The following ECEL1 variants were observed in gnomAD, a reference collection of about 807,000 sequenced individuals.
ECEL1 encodes endothelin-converting enzyme-like 1.
A neutral mutation model predicts 101.8 loss-of-function variants in ECEL1; 87 were observed. The observed-to-expected ratio is 0.85, with a 90% CI of 0.72 to 1.02. The LOEUF is 1.02. Ranked by LOEUF, ECEL1 falls within the 50% of genes least tolerant of loss-of-function variation. The pLI, the probability that ECEL1 is intolerant of heterozygous loss-of-function variation, is 0.00. For synonymous variants in ECEL1, 487 were observed against 468.7 expected (o/e 1.04, Z -0.50); for missense variants, 1,032 against 1,079.2 (o/e 0.96, Z 0.61).
Position 232,482,405 on chromosome 2 carries a change from G to C in ECEL1, c.1796+13C>G. ...CTGCCCTCAGCCACAAACAGGGCAA[G>C]CTATGTACTCACTGTGGGAAGTCAG... On this transcript the variant is annotated intron_variant, in intron 12 of 17. Coordinates refer to ENST00000304546, the MANE Select transcript of ECEL1 (RefSeq NM_004826.4). 1 of 1,613,812 alleles carries C rather than the reference G, an allele frequency of 6.2e-7. No individual in the cohort carries two copies. The highest frequency in any genetic ancestry group is 8.5e-7 in the Non-Finnish European group (1 of 1,180,012).
intron 1 of ECEL1, among the ~76,000 whole-genome samples, chr2:232,486,968 C>T (rs1223019779): frequency 1.3e-5 from 2 of 152,168 alleles, no homozygotes; most frequent in African/African-American, 4.8e-5. Flanking sequence ...ACTTGAGGGC[C>T]GCAGGGTTGG....
intron 8 of ECEL1, 54 bp from the exon 9 acceptor site, chr2:232,483,233 G>A (rs1039557294): frequency 1.3e-5 from 20 of 1,565,364 alleles, no homozygotes; most frequent in Middle Eastern, 3.3e-4. Flanking sequence ...ACAGCCCCCC[G>A]CCCCCCACCC....
chr2:232,481,875 C>T (rs1690589052), intron 12 of ECEL1, 26 bp from the exon 13 acceptor site: 4 of 1,613,196 alleles, frequency 2.5e-6, no homozygotes, highest in Non-Finnish European at 3.4e-6. Context: ...CAGCATCAGG[C>T]CCTAGCCCTC....
At chr2:232,484,749 C>T in intron 5 of ECEL1, 52 bp downstream of exon 5, 3 of 1,610,236 alleles carry the variant, frequency 1.9e-6, no homozygotes, top group Non-Finnish European at 2.5e-6. Flanking sequence ...GTAGTCCCAG[C>T]AGCAGCATTG....
At chr2:232,481,307 C>T (rs1247631407) in intron 14 of ECEL1, 151 bp from the exon 15 acceptor site, 3 of 1,341,908 alleles carry the variant, frequency 2.2e-6, no homozygotes, top group African/African-American at 1.5e-5. Context: ...CTACTCTTTC[C>T]TCCCAACCCC....
chr2:232,486,561 G>GGCCCCGCGCGC lies in ECEL1; in HGVS notation c.82_92dup (p.Ser32ArgfsTer175). Reference sequence around the variant, plus strand: ...CCAACGGGAAGCCCGGGGGCAGGGAGGCCCCGCGCGCGCCCCCCGCGCCGC... The same window carrying GGCCCCGCGCGC: ...CCAACGGGAAGCCCGGGGGCAGGGAGGCCCCGCGCGCGCCCCGCGCGCGCCCCCCGCGCCGC... On this transcript the variant is annotated frameshift_variant, in exon 2 of 18. Coordinates refer to ENST00000304546, the MANE Select transcript of ECEL1 (RefSeq NM_004826.4). LOFTEE classifies it high-confidence loss of function. 7.3e-7 allele frequency: 1 copy of GGCCCCGCGCGC among 1,371,304 alleles called. No homozygotes were observed. The highest frequency in any genetic ancestry group is 9.4e-7 in the Non-Finnish European group (1 of 1,066,340). The allele number at this position is 1,371,304 out of a possible 1,614,324, so 84.9% of individuals were successfully genotyped here.
In ECEL1 at chr2:232,486,690, T is replaced by G; in HGVS notation, c.-37A>C. On this transcript the variant is annotated 5_prime_UTR_variant, in exon 2 of 18. Transcript: ENST00000304546. ...CGCCGCGGTGCAGACCTGGGCCACC[T>G]GGGCTACGGGATGCGCGTGGCCGCC... 1 of 1,456,060 alleles carries G rather than the reference T, an allele frequency of 6.9e-7. No individual in the cohort carries two copies. Among genetic ancestry groups the G allele is most frequent in the Non-Finnish European group, 9.0e-7 (1 of 1,115,406 alleles). 90.2% of individuals were successfully genotyped at this position (1,456,060 alleles called of 1,614,324 possible). A position where few individuals can be genotyped will look rare whatever the true frequency, so the allele number is the denominator to read the frequency against.
chr2:232,483,270 C>G, intron 8 of ECEL1, 91 bp from the exon 9 acceptor site: 1 of 1,459,206 alleles, frequency 6.9e-7, no homozygotes, highest in South Asian at 1.2e-5. Context: ...GAGCACTAGG[C>G]CAGCCTGGGA....
chr2:232,487,375 G>C (rs551914667), intron 1 of ECEL1, among the ~76,000 whole-genome samples: 1 of 152,108 alleles, frequency 6.6e-6, no homozygotes, highest in African/African-American at 2.4e-5. Flanking sequence ...CCCACTGGAC[G>C]GCCCTGATGG....
intron 14 of ECEL1, 41 bp from the exon 15 acceptor site, chr2:232,481,197 A>G: frequency 6.5e-7 from 1 of 1,547,570 alleles, no homozygotes; most frequent in Non-Finnish European, 8.7e-7. Context: ...CTTGGGGCCC[A>G]GCTGGCCTCC....
Position 232,485,034 on chromosome 2 carries a change from C to T in ECEL1, c.913G>A (p.Ala305Thr), listed in dbSNP as rs765760240. 1.1e-5 allele frequency: 18 copies of T among 1,612,710 alleles called. No individual in the cohort carries two copies. Among genetic ancestry groups the T allele is most frequent in the African/African-American group, 9.3e-5 (7 of 74,928 alleles). The stretch of plus-strand genomic sequence containing the variant: ...ATCTCTTGGGCCTTCTGTTCCACAG[C>T]GTCTGCACCCAGGAGGCTGAGCACT... ...ERVLSLLGAD[A>T]VEQKAQEILQ... The change falls in exon 4 of 18, where the codon GCT (alanine) becomes ACT (threonine). Residue 305 changes from alanine (A) to threonine (T), a missense_variant. By Grantham distance (58) the Ala-to-Thr change is moderately conservative. Coordinates refer to ENST00000304546, the MANE Select transcript of ECEL1 (RefSeq NM_004826.4).
chr2:232,485,036 T>A lies in ECEL1; in HGVS notation c.911A>T (p.Asp304Val), dbSNP rs374538465. 1.2e-6 allele frequency: 2 copies of A among 1,612,828 alleles called. No individual in the cohort carries two copies. The highest frequency in any genetic ancestry group is 3.3e-5 in the Admixed American group (2 of 60,026). ...CTCTTGGGCCTTCTGTTCCACAGCG[T>A]CTGCACCCAGGAGGCTGAGCACTCG... ...MERVLSLLGA[D>V]AVEQKAQEIL... is the part of the protein sequence containing the mutation. The change falls in exon 4 of 18, where the codon GAC (aspartate) becomes GTC (valine). Residue 304 changes from aspartate (D) to valine (V), a missense_variant. Coordinates refer to ENST00000304546, the MANE Select transcript of ECEL1 (RefSeq NM_004826.4).
Position 232,486,504 on chromosome 2 carries a change from G to C in ECEL1, c.150C>G (p.Ser50=), listed in dbSNP as rs1690733370. Residue 50 remains serine, a synonymous_variant, in exon 2 of 18, where the codon TCC becomes TCG. Transcript: ENST00000304546. ...CGCGCCGGTTCCAGCGCGGCAGCCC[G>C]GACCGGGCCCCGGTGGCGCTGCGCG... is the stretch of plus-strand genomic sequence containing the variant. ...GAARSATGAR[S]GLPRWNRREV... 2 of 1,375,526 alleles carry C rather than the reference G, an allele frequency of 1.5e-6. No individual in the cohort carries two copies. The highest frequency in any genetic ancestry group is 1.9e-6 in the Non-Finnish European group (2 of 1,074,748). 85.2% of individuals were successfully genotyped at this position (1,375,526 alleles called of 1,614,324 possible). A position where few individuals can be genotyped will look rare whatever the true frequency, so the allele number is the denominator to read the frequency against.
Position 232,486,107 on chromosome 2 carries a change from A to G in ECEL1, c.547T>C (p.Phe183Leu), listed in dbSNP as rs1270094590. The G allele has an allele frequency of 6.3e-7, 1 of 1,587,500 alleles. No homozygotes were observed. Among genetic ancestry groups the G allele is most frequent in the East Asian group, 2.3e-5 (1 of 43,748 alleles). Reference protein sequence around the residue: ...GGAAQRKVRAFFRSCLDMREI... With the variant: ...GGAAQRKVRALFRSCLDMREI... ...CGCATGTCGAGGCACGAGCGGAAGA[A>G]GGCGCGCACCTTGCGCTGGGCCGCG... The change falls in exon 2 of 18, where the codon TTC becomes CTC. Residue 183 changes from phenylalanine to leucine, a missense_variant. Phe to Leu is a conservative substitution (Grantham distance 22, BLOSUM62 0). Transcript: ENST00000304546.
Position 232,482,620 on chromosome 2 carries a change from T to A in ECEL1, c.1686-12A>T. ...GGGGGAGCAGCCACCTGTGGAGGGATGCTGGGGTGAATGGGGGGAACACAC... is the reference window on the plus strand; with the variant it reads ...GGGGGAGCAGCCACCTGTGGAGGGAAGCTGGGGTGAATGGGGGGAACACAC... On this transcript the variant is annotated splice_polypyrimidine_tract_variant and intron_variant, in intron 10 of 17. Transcript: ENST00000304546. 6.2e-7 allele frequency: 1 copy of A among 1,606,522 alleles called. No homozygotes were observed. The highest frequency in any genetic ancestry group is 1.1e-5 in the South Asian group (1 of 90,490).
At chr2:232,481,934 G>A in intron 12 of ECEL1, 85 bp from the exon 13 acceptor site, 1 of 1,581,552 alleles carries the variant, frequency 6.3e-7, no homozygotes, top group Non-Finnish European at 8.6e-7. Context: ...ATGTCCCCTG[G>A]CCGGGCCAGG....
At chr2:232,481,362 A>C (rs985815184) in intron 14 of ECEL1, 144 bp downstream of exon 14, 1 of 1,415,302 alleles carries the variant, frequency 7.1e-7, no homozygotes, top group Non-Finnish European at 9.6e-7. Context: ...TGTCCACGTG[A>C]GTGTGCGTGG....
intron 8 of ECEL1, 76 bp from the exon 9 acceptor site, chr2:232,483,255 G>A: frequency 1.3e-6 from 2 of 1,572,112 alleles, no homozygotes; most frequent in Non-Finnish European, 1.7e-6. Context: ...ACCCACCAAG[G>A]AAGGGAGCAC....
Position 232,482,476 on chromosome 2 carries a change from G to C in ECEL1, c.1745-7C>G. On this transcript the variant is annotated splice_region_variant and splice_polypyrimidine_tract_variant and intron_variant, in intron 11 of 17. Coordinates refer to ENST00000304546, the MANE Select transcript of ECEL1 (RefSeq NM_004826.4). ...AGGATGCCCGCGGGGAACACTACAA[G>C]AAGGGGGTGCTCAGTGGGAAACCCA... is the stretch of plus-strand genomic sequence containing the variant. 4 of 1,614,042 alleles carry C rather than the reference G, an allele frequency of 2.5e-6. No homozygotes were observed. Among genetic ancestry groups the C allele is most frequent in the Non-Finnish European group, 3.4e-6 (4 of 1,180,014 alleles).
Sources: gnomAD v4.1 joint callset for allele counts (sites outside exome capture counted in the v4.1 genomes callset) on GRCh38, gnomAD v4.1.1 for gene constraint, MANE v1.5 for transcripts, NCBI Gene and HGNC (gene_info 2026-07-23, HGNC 2026-07-21) for gene names.